The following GLIS3 variants were observed in gnomAD, a reference collection of about 807,000 sequenced individuals.
GLIS3 encodes GLIS family zinc finger 3.
In GLIS3, 53 loss-of-function variants were observed where a neutral mutation model predicts 78.6. The ratio of observed to expected loss-of-function variants is 0.67; its 90% confidence interval spans 0.54 to 0.85. GLIS3 has a LOEUF of 0.85. GLIS3 is among the 40% of genes least tolerant of loss of function. GLIS3 has a pLI of 0.00. For synonymous variants in GLIS3, 684 were observed against 509.9 expected (o/e 1.34, Z -4.60); for missense variants, 1,703 against 1,231.1 (o/e 1.38, Z -5.74).
At chr9:4,096,662 G>A (rs1420804792) in intron 4 of GLIS3, among the ~76,000 whole-genome samples, 1 of 152,134 alleles carries the variant, frequency 6.6e-6, no homozygotes, top group East Asian at 1.9e-4. Context: ...AAACAAGGCT[G>A]GAGAGAGAGG....
chr9:4,470,082 T>C, the GLIS3 span, among the ~76,000 whole-genome samples: 1 of 152,078 alleles, frequency 6.6e-6, no homozygotes, highest in Non-Finnish European at 1.5e-5. Context: ...AATAGACCAA[T>C]AACAGGCTCT....
intron 6 of GLIS3, among the ~76,000 whole-genome samples, chr9:3,931,151 G>T (rs1563862936): frequency 6.6e-6 from 1 of 151,978 alleles, no homozygotes. Flanking sequence ...TAACTTACAA[G>T]AGTGGGTTTG....
exon 1 of GLIS3, chr9:4,348,330 G>C (rs1054168951): frequency 7.3e-6 from 1 of 137,670 alleles, no homozygotes; most frequent in South Asian, 2.4e-4. Flanking sequence ...GCACCCTCGG[G>C]AAACAGCTTT....
chr9:4,111,864 G>A (rs4255194), intron 4 of GLIS3, among the ~76,000 whole-genome samples: 37,278 of 152,008 alleles, frequency 0.25, 5,260 homozygotes, highest in South Asian at 0.39. Flanking sequence ...TGGTGTTTCA[G>A]CCTCAAGAGA....
At chr9:4,188,676 C>G (rs1211011745) in intron 2 of GLIS3, among the ~76,000 whole-genome samples, 1 of 152,144 alleles carries the variant, frequency 6.6e-6, no homozygotes, top group African/African-American at 2.4e-5. Context: ...ATTTCAGAGC[C>G]TGTTATTGGT....
the GLIS3 span, among the ~76,000 whole-genome samples, chr9:4,486,220 T>C: frequency 1.3e-5 from 2 of 152,310 alleles, no homozygotes; most frequent in East Asian, 1.9e-4. Flanking sequence ...CATGTTGACA[T>C]GGAGAAACCT....
chr9:3,839,483 T>C (rs1818583583), intron 9 of GLIS3, among the ~76,000 whole-genome samples: 1 of 152,110 alleles, frequency 6.6e-6, no homozygotes, highest in African/African-American at 2.4e-5. Flanking sequence ...AACTAATAGT[T>C]ATTTACTCAG....
At chr9:3,983,639 C>G (rs987071016) in intron 4 of GLIS3, among the ~76,000 whole-genome samples, 1 of 152,254 alleles carries the variant, frequency 6.6e-6, no homozygotes, top group Admixed American at 6.5e-5. Flanking sequence ...TTGTTGGGAA[C>G]TGGAACAAAG....
At chr9:4,441,076 T>C in the GLIS3 span, among the ~76,000 whole-genome samples, 3 of 152,222 alleles carry the variant, frequency 2.0e-5, no homozygotes, top group East Asian at 1.9e-4. Context: ...GTTTTCTGTA[T>C]GTAAGATCAT....
the GLIS3 span, among the ~76,000 whole-genome samples, chr9:4,371,805 C>G: frequency 3.0e-4 from 46 of 152,326 alleles, no homozygotes; most frequent in Middle Eastern, 6.8e-3. Flanking sequence ...CTTAGCCTGG[C>G]TCCAGTTGCC....
At chr9:4,261,412 A>G (rs1469456251) in intron 2 of GLIS3, among the ~76,000 whole-genome samples, 2 of 152,204 alleles carry the variant, frequency 1.3e-5, no homozygotes, top group East Asian at 3.8e-4. Context: ...AGATAAAAAG[A>G]GAACAGAAGG....
intron 2 of GLIS3, among the ~76,000 whole-genome samples, chr9:4,262,210 C>G (rs972040125): frequency 6.6e-6 from 1 of 152,096 alleles, no homozygotes; most frequent in Non-Finnish European, 1.5e-5. Flanking sequence ...CGGCTACCTC[C>G]TGGATGGGAG....
chr9:4,414,230 A>C, the GLIS3 span, among the ~76,000 whole-genome samples: 1 of 152,222 alleles, frequency 6.6e-6, no homozygotes, highest in South Asian at 2.1e-4. Flanking sequence ...AAAATGTAGC[A>C]GGGAAGGACA....
chr9:4,351,750 C>T (rs765744848), upstream of GLIS3, among the ~76,000 whole-genome samples: 41 of 152,218 alleles, frequency 2.7e-4, no homozygotes, highest in South Asian at 5.4e-3. Flanking sequence ...TACTGATGGG[C>T]CTTAGATTTT....
intron 2 of GLIS3, among the ~76,000 whole-genome samples, chr9:4,242,516 A>G (rs981770345): frequency 6.6e-6 from 1 of 152,172 alleles, no homozygotes; most frequent in Non-Finnish European, 1.5e-5. Context: ...CCTGCTGGGC[A>G]TGACCAATGC....
chr9:3,914,100 T>C (rs549561371), intron 6 of GLIS3, among the ~76,000 whole-genome samples: 2 of 152,014 alleles, frequency 1.3e-5, no homozygotes, highest in East Asian at 1.9e-4. Flanking sequence ...CCAAGTGAAA[T>C]TGAACCGAAA....
At chr9:4,434,145 C>T in the GLIS3 span, among the ~76,000 whole-genome samples, 28 of 149,272 alleles carry the variant, frequency 1.9e-4, no homozygotes, top group South Asian at 8.6e-4. Context: ...TTGTGTAGAA[C>T]GCCTCAGAAT....
At chr9:4,170,369 A>G (rs1262055494) in intron 2 of GLIS3, among the ~76,000 whole-genome samples, 2 of 152,208 alleles carry the variant, frequency 1.3e-5, no homozygotes, top group African/African-American at 4.8e-5. Flanking sequence ...GGATGAGTGA[A>G]GCTGGGCTGG....
chr9:4,222,389 G>A (rs1219850327), intron 2 of GLIS3, among the ~76,000 whole-genome samples: 2 of 152,162 alleles, frequency 1.3e-5, no homozygotes, highest in African/African-American at 2.4e-5. Flanking sequence ...AAGGCCATAT[G>A]CTGATTCATC....
Sources: allele counts gnomAD v4.1 joint callset (sites outside exome capture counted in the v4.1 genomes callset), GRCh38; gene constraint gnomAD v4.1.1; transcripts MANE v1.5; gene names NCBI Gene and HGNC (gene_info 2026-07-23, HGNC 2026-07-21).